Variants in TTBK2 observed in about 807,000 individuals in gnomAD.
TTBK2 encodes tau tubulin kinase 2.
In TTBK2, 28 loss-of-function variants were observed where a neutral mutation model predicts 110.8. The observed-to-expected ratio is 0.25, with a 90% CI of 0.19 to 0.35. The LOEUF is 0.35. Ranked by LOEUF, TTBK2 falls within the 10% of genes least tolerant of loss-of-function variation. The pLI is 1.00. For missense variants in TTBK2, 1,369 were observed against 1,500.3 expected, an observed-to-expected ratio of 0.91 and a Z score of 1.45; for synonymous variants, 532 against 527.3, an observed-to-expected ratio of 1.01 and a Z score of -0.12.
chr15:42,788,705 T>C (rs748412206), intron 10 of TTBK2, among the ~76,000 whole-genome samples: 2 of 152,182 alleles, frequency 1.3e-5, no homozygotes, highest in African/African-American at 2.4e-5. Context: ...TAGGATCACT[T>C]CTCTTTTCTA....
intron 6 of TTBK2, among the ~76,000 whole-genome samples, chr15:42,819,003 T>G (rs1435276795): frequency 6.6e-6 from 1 of 150,934 alleles, no homozygotes; most frequent in African/African-American, 2.4e-5. Flanking sequence ...GTCAGTACCC[T>G]GACGATTCGT....
At chr15:42,759,893 T>C (rs1199419053) in intron 13 of TTBK2, among the ~76,000 whole-genome samples, 1 of 151,772 alleles carries the variant, frequency 6.6e-6, no homozygotes, top group Non-Finnish European at 1.5e-5. Flanking sequence ...ATGATAATTC[T>C]CCAGTAAAAG....
At chr15:42,794,214 T>C (rs938220085) in intron 10 of TTBK2, among the ~76,000 whole-genome samples, 5 of 152,136 alleles carry the variant, frequency 3.3e-5, no homozygotes, top group Non-Finnish European at 7.4e-5. Context: ...AAATAGATCA[T>C]AACCTTTTCT....
intron 6 of TTBK2, among the ~76,000 whole-genome samples, chr15:42,823,407 C>T (rs1332862970): frequency 6.6e-6 from 1 of 152,136 alleles, no homozygotes; most frequent in Non-Finnish European, 1.5e-5. Flanking sequence ...CTTAATGTAA[C>T]TAATACATCT....
intron 8 of TTBK2, 64 bp from the exon 9 acceptor site, chr15:42,810,803 C>T: frequency 6.3e-7 from 1 of 1,588,578 alleles, no homozygotes; most frequent in Non-Finnish European, 8.6e-7. Context: ...TTAAGAGCCC[C>T]TCAGTAACCG....
At chr15:42,903,178 T>C (rs1369712776) in intron 1 of TTBK2, among the ~76,000 whole-genome samples, 1 of 152,036 alleles carries the variant, frequency 6.6e-6, no homozygotes, top group Non-Finnish European at 1.5e-5. Context: ...TCAGCACAAA[T>C]GGATGAATAT....
intron 1 of TTBK2, among the ~76,000 whole-genome samples, chr15:42,899,959 T>G (rs1206147957): frequency 6.6e-6 from 1 of 151,624 alleles, no homozygotes; most frequent in African/African-American, 2.4e-5. Flanking sequence ...AGACTCTGTC[T>G]CAAAAAATAA....
Position 42,742,340 on chromosome 15 carries a change from G to A in TTBK2, c.*3455C>T, listed in dbSNP as rs1210864350. 1 of 152,186 alleles carries A rather than the reference G, an allele frequency of 6.6e-6. No individual in the cohort carries two copies. Among genetic ancestry groups the A allele is most frequent in the Non-Finnish European group, 1.5e-5 (1 of 68,024 alleles). 9.4% of individuals were successfully genotyped at this position (152,186 alleles called of 1,614,324 possible). On this transcript the variant is annotated 3_prime_UTR_variant, in exon 15 of 15. Transcript: ENST00000267890. The stretch of plus-strand genomic sequence containing the variant: ...CAGCAAGGCCAGCTTGCATACCAGA[G>A]TTAAGAATGAGAGTGTCTGTCTGCC...
chr15:42,894,674 GC>G, intron 1 of TTBK2, among the ~76,000 whole-genome samples: 1 of 152,218 alleles, frequency 6.6e-6, no homozygotes, highest in South Asian at 2.1e-4. Context: ...GATCACCTGA[GC>G]CCAGGAAAGT....
chr15:42,853,520 T>C (rs1893804503), intron 3 of TTBK2, among the ~76,000 whole-genome samples: 1 of 152,170 alleles, frequency 6.6e-6, no homozygotes, highest in African/African-American at 2.4e-5. Flanking sequence ...ATTAATTACC[T>C]TCTCATCCAA....
At chr15:42,839,095 T>C (rs1171879131) in intron 4 of TTBK2, among the ~76,000 whole-genome samples, 1 of 152,168 alleles carries the variant, frequency 6.6e-6, no homozygotes, top group Non-Finnish European at 1.5e-5. Flanking sequence ...TCATCCTCCT[T>C]CTTTGCTCCA....
intron 7 of TTBK2, 51 bp downstream of exon 7, chr15:42,816,980 AT>A: frequency 8.2e-7 from 1 of 1,216,446 alleles, no homozygotes; most frequent in South Asian, 1.8e-5. Flanking sequence ...AGTCAATCTG[AT>A]TTAAGCTATT....
chr15:42,801,397 G>T, intron 9 of TTBK2: 1 of 1,243,158 alleles, frequency 8.0e-7, no homozygotes, highest in Non-Finnish European at 1.2e-6. Flanking sequence ...TCCCCACGCT[G>T]CTCGGTATCT....
chr15:42,801,135 T>C (rs1298988378), intron 9 of TTBK2: 10 of 1,049,432 alleles, frequency 9.5e-6, no homozygotes, highest in East Asian at 2.4e-5. Flanking sequence ...GAGGCCCCCA[T>C]AGGCCAAGCT....
intron 4 of TTBK2, among the ~76,000 whole-genome samples, chr15:42,833,943 G>A (rs2140997348): frequency 6.6e-6 from 1 of 152,154 alleles, no homozygotes; most frequent in Middle Eastern, 3.4e-3. Context: ...CCCGGGAGGT[G>A]GAGGTTGCAG....
intron 1 of TTBK2, among the ~76,000 whole-genome samples, chr15:42,888,311 C>G (rs1027509745): frequency 1.3e-5 from 2 of 152,124 alleles, no homozygotes; most frequent in Admixed American, 1.3e-4. Context: ...TACCATTATT[C>G]CTGGCCCGGA....
At chr15:42,771,380 T>G (rs1049015704) in intron 13 of TTBK2, among the ~76,000 whole-genome samples, 1 of 152,184 alleles carries the variant, frequency 6.6e-6, no homozygotes, top group Non-Finnish European at 1.5e-5. Context: ...CCTAGGCAGA[T>G]ATGTCTGTGT....
chr15:42,798,537 C>T (rs1415456804), intron 9 of TTBK2, among the ~76,000 whole-genome samples: 1 of 152,306 alleles, frequency 6.6e-6, no homozygotes, highest in South Asian at 2.1e-4. Context: ...CAATGTGGCA[C>T]AGCTTCCTCA....
intron 11 of TTBK2, among the ~76,000 whole-genome samples, chr15:42,780,224 G>A (rs1236725228): frequency 5.5e-5 from 8 of 146,278 alleles, no homozygotes; most frequent in Non-Finnish European, 1.1e-4. Context: ...GTAGAGATAG[G>A]GTTTTGCCAT....
Sources: allele counts gnomAD v4.1 joint callset (sites outside exome capture counted in the v4.1 genomes callset), GRCh38; gene constraint gnomAD v4.1.1; transcripts MANE v1.5; gene names NCBI Gene and HGNC (gene_info 2026-07-23, HGNC 2026-07-21).